The following PRKG1 variants were observed in gnomAD, a reference collection of about 807,000 sequenced individuals.
The protein encoded by PRKG1 is protein kinase cGMP-dependent 1.
A neutral mutation model predicts 88.1 loss-of-function variants in PRKG1; 35 were observed. The ratio of observed to expected loss-of-function variants is 0.40; its 90% CI spans 0.30 to 0.53. PRKG1 has a LOEUF of 0.53. Among genes scored for constraint, PRKG1 ranks in the 20% least tolerant of loss-of-function variants. The probability of loss-of-function intolerance (pLI) is 0.59; values close to 1 mark genes in which losing one functional copy is unlikely to be tolerated. For synonymous variants in PRKG1, 303 were observed against 292.5 expected (o/e 1.04, Z -0.37); for missense variants, 540 against 839.8 (o/e 0.64, Z 4.41).
At chr10:51,649,636 T>C (rs1041328700) in intron 3 of PRKG1, among the ~76,000 whole-genome samples, 1 of 152,188 alleles carries the variant, frequency 6.6e-6, no homozygotes, top group Non-Finnish European at 1.5e-5. Context: ...TTGGACAAAA[T>C]GCTCAGCGAA....
At chr10:52,072,975 A>G (rs1846537686) in intron 7 of PRKG1, among the ~76,000 whole-genome samples, 1 of 152,210 alleles carries the variant, frequency 6.6e-6, no homozygotes, top group South Asian at 2.1e-4. Context: ...ATTCTTTCAC[A>G]GGTCTGTAGG....
At chr10:51,224,110 G>A (rs1178664546) in intron 2 of PRKG1, among the ~76,000 whole-genome samples, 1 of 152,216 alleles carries the variant, frequency 6.6e-6, no homozygotes, top group Non-Finnish European at 1.5e-5. Flanking sequence ...GAAGACAGAA[G>A]ATAAACTGTA....
intron 8 of PRKG1, among the ~76,000 whole-genome samples, chr10:52,151,305 C>T (rs1837909062): frequency 2.0e-5 from 3 of 152,040 alleles, no homozygotes; most frequent in African/African-American, 4.8e-5. Context: ...AGATAAGACG[C>T]TCATTGTTGC....
chr10:51,416,844 G>A (rs970133423), intron 2 of PRKG1, among the ~76,000 whole-genome samples: 10 of 152,068 alleles, frequency 6.6e-5, no homozygotes, highest in African/African-American at 2.2e-4. Context: ...CTTTGTGCAC[G>A]GATGTGACTC....
rs35300789 is a variant in PRKG1 at position 51,229,926 on chromosome 10, C to CAAAAAAAAAAAA, written c.478+76607_478+76618dup. ...CCTGGGTTACAGGGTGAGGCGATCT[C>CAAAAAAAAAAAA]AAAAAAAAAAAAAAAAAAAAAAGAA... is the stretch of plus-strand genomic sequence containing the variant. On this transcript the variant is annotated intron_variant, in intron 2 of 17. Transcript: ENST00000373980. Among the ~76,000 whole-genome samples the CAAAAAAAAAAAA allele has an allele frequency of 1.6e-3, 54 of 33,522 alleles. 1 individual carries two copies. Among genetic ancestry groups the CAAAAAAAAAAAA allele is most frequent in the African/African-American group, 4.2e-3 (51 of 12,010 alleles). The allele number at this position is 33,522 out of a possible 152,430, so 22.0% of individuals were successfully genotyped here. A position where few individuals can be genotyped will look rare whatever the true frequency, so the allele number is the denominator to read the frequency against.
At chr10:51,683,367 C>T (rs569765442) in intron 3 of PRKG1, among the ~76,000 whole-genome samples, 2 of 152,094 alleles carry the variant, frequency 1.3e-5, no homozygotes, top group African/African-American at 4.8e-5. Context: ...TGAGATACAG[C>T]TTCATATCTG....
At chr10:51,177,681 T>A (rs1000690951) in intron 2 of PRKG1, among the ~76,000 whole-genome samples, 2 of 152,260 alleles carry the variant, frequency 1.3e-5, no homozygotes, top group East Asian at 3.9e-4. Flanking sequence ...TCATATACAA[T>A]GTATTTAATT....
intron 2 of PRKG1, among the ~76,000 whole-genome samples, chr10:51,428,271 C>T (rs1233455119): frequency 6.6e-6 from 1 of 152,182 alleles, no homozygotes; most frequent in African/African-American, 2.4e-5. Context: ...TTAGGAATAT[C>T]ACTAATCCTG....
At chr10:51,517,710 G>A (rs1841626447) in intron 3 of PRKG1, among the ~76,000 whole-genome samples, 1 of 152,084 alleles carries the variant, frequency 6.6e-6, no homozygotes, top group African/African-American at 2.4e-5. Context: ...TTCCTGGCAT[G>A]CCTAATAATA....
chr10:51,536,673 A>C (rs951904153), intron 3 of PRKG1, among the ~76,000 whole-genome samples: 1 of 151,926 alleles, frequency 6.6e-6, no homozygotes, highest in Admixed American at 6.6e-5. Flanking sequence ...ATTATACTTT[A>C]AGTTTTAGGG....
At position 51,598,809 on chromosome 10, in the gene PRKG1, TTTTTTCCA is replaced by T. The variant is rs1838524321; in HGVS notation, c.592+130974_592+130981del. Reference sequence around the variant, plus strand: ...AGGTAGATATTGAGATGGTATAGTTTTTTTTCCAAATAAAATCTTAGAGTGAATGGGAA... The same window carrying T: ...AGGTAGATATTGAGATGGTATAGTTTAATAAAATCTTAGAGTGAATGGGAA... On this transcript the variant is annotated intron_variant, in intron 3 of 17. Transcript: ENST00000373980. Among the ~76,000 whole-genome samples the T allele has an allele frequency of 2.0e-5, 3 of 152,178 alleles. No homozygotes were observed. In the South Asian group the frequency reaches 6.2e-4, roughly 32 times the overall value.
intron 2 of PRKG1, among the ~76,000 whole-genome samples, chr10:51,189,917 A>G (rs538654792): frequency 6.6e-6 from 1 of 152,004 alleles, no homozygotes; most frequent in African/African-American, 2.4e-5. Context: ...AGAAAACTGA[A>G]GATTATAGTT....
intron 2 of PRKG1, among the ~76,000 whole-genome samples, chr10:51,280,154 A>G (rs1167641238): frequency 6.6e-6 from 1 of 152,082 alleles, no homozygotes; most frequent in African/African-American, 2.4e-5. Flanking sequence ...GCTGGATATG[A>G]AATTCTGGGT....
At chr10:51,305,458 G>C (rs1476843650) in intron 2 of PRKG1, among the ~76,000 whole-genome samples, 1 of 152,170 alleles carries the variant, frequency 6.6e-6, no homozygotes, top group Non-Finnish European at 1.5e-5. Context: ...TAATTTACAA[G>C]AGACCACTTT....
intron 3 of PRKG1, among the ~76,000 whole-genome samples, chr10:51,785,506 C>A (rs150327493): frequency 1.3e-5 from 2 of 152,040 alleles, no homozygotes; most frequent in African/African-American, 4.8e-5. Context: ...TCTACTTGAA[C>A]GCAACTTGTA....
At chr10:51,168,727 A>G (rs574871818) in intron 2 of PRKG1, among the ~76,000 whole-genome samples, 5 of 152,326 alleles carry the variant, frequency 3.3e-5, no homozygotes, top group Non-Finnish European at 7.4e-5. Flanking sequence ...CATCACACAT[A>G]TCTAGAACCG....
At chr10:51,981,488 A>T (rs1280011932) in intron 5 of PRKG1, among the ~76,000 whole-genome samples, 1 of 152,160 alleles carries the variant, frequency 6.6e-6, no homozygotes, top group Non-Finnish European at 1.5e-5. Context: ...CAGGAGACTG[A>T]AGCAGTATAA....
intron 1 of PRKG1, 94 bp from the exon 2 acceptor site, chr10:51,153,069 GT>G: frequency 1.3e-6 from 1 of 794,478 alleles, no homozygotes. Flanking sequence ...AAATACATTT[GT>G]GGTGTGCCAG....
chr10:51,616,474 T>A (rs1388306405), intron 3 of PRKG1, among the ~76,000 whole-genome samples: 1 of 152,062 alleles, frequency 6.6e-6, no homozygotes, highest in Non-Finnish European at 1.5e-5. Context: ...GGAAAGCCAG[T>A]CTACAGTCCC....
Sources: gnomAD v4.1 joint callset for allele counts (sites outside exome capture counted in the v4.1 genomes callset) on GRCh38, gnomAD v4.1.1 for gene constraint, MANE v1.5 for transcripts, NCBI Gene and HGNC (gene_info 2026-07-23, HGNC 2026-07-21) for gene names.